METTL15: variants seen among roughly 807,000 people sequenced by gnomAD.
METTL15 encodes methyltransferase 15, mitochondrial 12S rRNA N4-cytidine, also known as 12S rRNA N(4)-cytidine methyltransferase METTL15.
In METTL15, 34 loss-of-function variants were observed where a neutral mutation model predicts 38.3. The ratio of observed to expected loss-of-function variants is 0.89; its 90% CI spans 0.68 to 1.18. The LOEUF (loss-of-function observed/expected upper bound fraction) is 1.18. Among genes scored for constraint, METTL15 ranks in the 50% most tolerant of loss-of-function variants. METTL15 has a pLI of 0.00. For synonymous variants in METTL15, 162 were observed against 170.9 expected (o/e 0.95, Z 0.41); for missense variants, 438 against 498.4 (o/e 0.88, Z 1.15).
intron 6 of METTL15, among the ~76,000 whole-genome samples, chr11:28,518,455 G>C (rs1187284347): frequency 1.3e-5 from 2 of 152,196 alleles, no homozygotes; most frequent in Non-Finnish European, 2.9e-5. Context: ...CAGCGAGGTG[G>C]CTGCATCATT....
chr11:28,452,971 A>G (rs1174233958), intron 6 of METTL15, among the ~76,000 whole-genome samples: 1 of 152,170 alleles, frequency 6.6e-6, no homozygotes, highest in Non-Finnish European at 1.5e-5. Flanking sequence ...TTACTAAATC[A>G]CATTGTCATA....
intron 3 of METTL15, among the ~76,000 whole-genome samples, chr11:28,179,478 T>G (rs567897366): frequency 6.6e-6 from 1 of 151,954 alleles, no homozygotes; most frequent in Admixed American, 6.6e-5. Flanking sequence ...CTTTTCTTAC[T>G]CTGTCACTTT....
chr11:28,440,903 C>T (rs1409148720), intron 6 of METTL15, among the ~76,000 whole-genome samples: 1 of 152,174 alleles, frequency 6.6e-6, no homozygotes, highest in African/African-American at 2.4e-5. Flanking sequence ...AGCCACTACC[C>T]ATAGGTGGCC....
intron 4 of METTL15, among the ~76,000 whole-genome samples, chr11:28,279,225 T>A (rs1290495114): frequency 2.0e-5 from 3 of 152,220 alleles, no homozygotes; most frequent in African/African-American, 7.2e-5. Flanking sequence ...CTCTACCATC[T>A]TTCCTTTTTT....
chr11:28,194,178 C>CTTTCTTTT (rs1373046857), intron 3 of METTL15, among the ~76,000 whole-genome samples: 3 of 12,270 alleles, frequency 2.4e-4, no homozygotes, highest in African/African-American at 6.9e-4. Flanking sequence ...CTTTCTTTTT[C>CTTTCTTTT]TCTCTCTCTC....
intron 5 of METTL15, among the ~76,000 whole-genome samples, chr11:28,294,942 A>C (rs1462395518): frequency 6.6e-6 from 1 of 152,148 alleles, no homozygotes; most frequent in Non-Finnish European, 1.5e-5. Flanking sequence ...TGCTAAGTAC[A>C]TCCATACTCG....
intron 3 of METTL15, among the ~76,000 whole-genome samples, chr11:28,142,678 GAA>G (rs1440979307): frequency 6.6e-6 from 1 of 152,180 alleles, no homozygotes. Context: ...AAGTTAAGGA[GAA>G]CAGAAAATGC....
At chr11:28,213,273 A>G (rs1477183375) in intron 4 of METTL15, among the ~76,000 whole-genome samples, 2 of 152,166 alleles carry the variant, frequency 1.3e-5, no homozygotes, top group Non-Finnish European at 2.9e-5. Flanking sequence ...GAATCAAGGA[A>G]AGTATAAACA....
chr11:28,507,596 T>C (rs545783829), intron 6 of METTL15, among the ~76,000 whole-genome samples: 1 of 152,316 alleles, frequency 6.6e-6, no homozygotes, highest in Non-Finnish European at 1.5e-5. Flanking sequence ...TTAAACTTAA[T>C]GCTTCCAGTA....
intron 6 of METTL15, among the ~76,000 whole-genome samples, chr11:28,503,057 G>A (rs925362340): frequency 6.6e-6 from 1 of 152,110 alleles, no homozygotes; most frequent in African/African-American, 2.4e-5. Flanking sequence ...GTCAGCTGGG[G>A]GCTCTCCTCC....
chr11:28,150,261 A>AT (rs760012605), intron 3 of METTL15, among the ~76,000 whole-genome samples: 3 of 151,654 alleles, frequency 2.0e-5, no homozygotes, highest in Non-Finnish European at 4.4e-5. Flanking sequence ...ATCTTTTTTC[A>AT]TTTGGCTTTT....
At chr11:28,198,360 C>T (rs1851984931) in intron 3 of METTL15, among the ~76,000 whole-genome samples, 1 of 151,800 alleles carries the variant, frequency 6.6e-6, no homozygotes, top group Non-Finnish European at 1.5e-5. Context: ...GATAAATACT[C>T]CAATTATTTA....
intron 4 of METTL15, among the ~76,000 whole-genome samples, chr11:28,212,121 A>T (rs757219994): frequency 6.6e-6 from 1 of 152,070 alleles, no homozygotes; most frequent in Non-Finnish European, 1.5e-5. Context: ...GTAATTCGTC[A>T]TCTAGAATAG....
At chr11:28,378,573 T>A (rs544104542) in intron 5 of METTL15, among the ~76,000 whole-genome samples, 2 of 152,288 alleles carry the variant, frequency 1.3e-5, no homozygotes, top group South Asian at 4.1e-4. Flanking sequence ...CCTAGTGAGA[T>A]GAACCGGGTA....
At chr11:28,177,478 T>A (rs1282626888) in intron 3 of METTL15, among the ~76,000 whole-genome samples, 3 of 151,972 alleles carry the variant, frequency 2.0e-5, no homozygotes, top group African/African-American at 7.2e-5. Flanking sequence ...CCAAGTAAAA[T>A]GTTTTCTATG....
intron 5 of METTL15, among the ~76,000 whole-genome samples, chr11:28,397,510 A>G (rs1227149010): frequency 6.6e-6 from 1 of 152,168 alleles, no homozygotes; most frequent in East Asian, 1.9e-4. Flanking sequence ...ACTGGCCATC[A>G]GAGAAATGCA....
Position 28,333,312 on chromosome 11 carries a change from G to A in METTL15, c.*2471G>A, listed in dbSNP as rs1183268123. 1 of 152,132 alleles carries A rather than the reference G, an allele frequency of 6.6e-6. No individual in the cohort carries two copies. The highest frequency in any genetic ancestry group is 1.5e-5 in the Non-Finnish European group (1 of 68,022). 9.4% of individuals were successfully genotyped at this position (152,132 alleles called of 1,614,324 possible). A position where few individuals can be genotyped will look rare whatever the true frequency, so the allele number is the denominator to read the frequency against. ...CATGTAAAAATAAATTAACTTTTCT[G>A]TAATTAGATTGTGTTTTATAGTAAT... On this transcript the variant is annotated 3_prime_UTR_variant, in exon 7 of 7. Transcript: ENST00000407364.
rs530072162 is a variant in METTL15 at position 28,407,989 on chromosome 11, G to A, written c.*359-16310G>A. Reference sequence around the variant, plus strand: ...ACTGTGCAGCCATAAGAAGGAACAAGATTGTGGCCTTTGCAGGGACATGGA... The same window carrying A: ...ACTGTGCAGCCATAAGAAGGAACAAAATTGTGGCCTTTGCAGGGACATGGA... On this transcript the variant is annotated intron_variant and NMD_transcript_variant, in intron 5 of 7. Transcript: ENST00000532947. Among the ~76,000 whole-genome samples, 31 of 152,276 alleles carry A rather than the reference G, an allele frequency of 2.0e-4. 1 individual carries two copies. The highest frequency in any genetic ancestry group is 5.3e-4 in the African/African-American group (22 of 41,552).
chr11:28,238,125 T>G (rs1041277958), intron 4 of METTL15, among the ~76,000 whole-genome samples: 1 of 152,168 alleles, frequency 6.6e-6, no homozygotes, highest in Non-Finnish European at 1.5e-5. Flanking sequence ...GAACCACTGC[T>G]CTCTTCAAAG....
Sources: gnomAD v4.1 joint callset for allele counts (sites outside exome capture counted in the v4.1 genomes callset) on GRCh38, gnomAD v4.1.1 for gene constraint, MANE v1.5 for transcripts, NCBI Gene and HGNC (gene_info 2026-07-23, HGNC 2026-07-21) for gene names.